The following PRKN variants were observed in gnomAD, a reference collection of about 807,000 sequenced individuals.
PRKN encodes parkin RBR E3 ubiquitin protein ligase, also known as E3 ubiquitin-protein ligase parkin.
In PRKN, 56 loss-of-function variants were observed where a neutral mutation model predicts 59.5. That is an observed-to-expected ratio of 0.94 (90% CI 0.76 to 1.18). The LOEUF is 1.18. Ranked by LOEUF, PRKN falls within the 50% of genes most tolerant of loss-of-function variation. The probability of loss-of-function intolerance (pLI) is 0.00; values close to 1 mark genes in which losing one functional copy is unlikely to be tolerated. For missense variants in PRKN, 657 were observed against 596.4 expected (o/e 1.10, Z -1.06); for synonymous variants, 250 against 222.1 (o/e 1.13, Z -1.12).
intron 5 of PRKN, among the ~76,000 whole-genome samples, chr6:162,023,623 T>C (rs1291059344): frequency 6.6e-6 from 1 of 152,122 alleles, no homozygotes; most frequent in Non-Finnish European, 1.5e-5. Context: ...CTCCTCTCCA[T>C]GTCTGGCCGT....
rs368465371 is a variant in PRKN at position 162,253,071 on chromosome 6, G to A, written c.412+9454C>T. Among the ~76,000 whole-genome samples, 576 of 152,302 alleles carry A rather than the reference G, an allele frequency of 3.8e-3. 4 individuals carry two copies. Among genetic ancestry groups the A allele is most frequent in the African/African-American group, 0.012 (515 of 41,578 alleles). On this transcript the variant is annotated intron_variant, in intron 3 of 11. Transcript: ENST00000366898. The stretch of plus-strand genomic sequence containing the variant: ...GTGCTATTCTGGTGGCCAGGACGCT[G>A]TTGTCTACAGTAACCTGGTAAATTA...
rs9365283 is a variant in PRKN at position 161,390,634 on chromosome 6, G to A, written c.1084-3757C>T. Among the ~76,000 whole-genome samples, 22,844 of 151,820 alleles carry A rather than the reference G, an allele frequency of 0.15. 1,810 individuals are homozygous for A. Among genetic ancestry groups the A allele is most frequent in the South Asian group, 0.24 (1,175 of 4,802 alleles). On this transcript the variant is annotated intron_variant, in intron 9 of 11. Transcript: ENST00000366898. The surrounding 1 kb of genome is among the most constrained non-coding windows in gnomAD (Gnocchi z 7.0). ...CTCCTGAGTAGCTGGGACTACAGGC[G>A]CCTGCCACCACGCCCGGCTAATTTT...
At chr6:162,229,353 T>A (rs1314570726) in intron 3 of PRKN, among the ~76,000 whole-genome samples, 2 of 152,166 alleles carry the variant, frequency 1.3e-5, no homozygotes, top group East Asian at 3.9e-4. Context: ...GTAGGTTTTA[T>A]CATCAAGATC....
intron 6 of PRKN, among the ~76,000 whole-genome samples, chr6:161,912,419 C>G (rs73604844): frequency 1.3e-5 from 2 of 151,772 alleles, no homozygotes; most frequent in African/African-American, 2.4e-5. Context: ...CTGTACCCCC[C>G]CACCCTCGTG....
chr6:161,867,920 C>G (rs1794189168), intron 6 of PRKN, among the ~76,000 whole-genome samples: 1 of 151,810 alleles, frequency 6.6e-6, no homozygotes, highest in Admixed American at 6.6e-5. Flanking sequence ...ACCACCATGC[C>G]TGGCTAATTT....
intron 7 of PRKN, among the ~76,000 whole-genome samples, chr6:161,621,871 T>C (rs1390764168): frequency 3.9e-5 from 6 of 152,162 alleles, no homozygotes; most frequent in Non-Finnish European, 8.8e-5. Context: ...TCCTAGTATG[T>C]TACCAAGTGA....
At chr6:161,962,961 A>G (rs1379967966) in intron 6 of PRKN, among the ~76,000 whole-genome samples, 3 of 152,032 alleles carry the variant, frequency 2.0e-5, no homozygotes, top group Admixed American at 1.3e-4. Context: ...ACTGGCCAAC[A>G]TGGCGAAACC....
intron 1 of PRKN, among the ~76,000 whole-genome samples, chr6:162,698,551 T>C (rs150429903): frequency 6.6e-6 from 1 of 152,278 alleles, no homozygotes; most frequent in African/African-American, 2.4e-5. Flanking sequence ...GGCTTCATTT[T>C]CCTCTTTCCC....
chr6:162,599,518 AAC>A (rs869308734), intron 1 of PRKN, among the ~76,000 whole-genome samples: 2 of 152,040 alleles, frequency 1.3e-5, no homozygotes, highest in Non-Finnish European at 2.9e-5. Flanking sequence ...CAACAACAAC[AAC>A]AAAAAGCAGT....
At chr6:162,614,160 AAACT>A (rs1302664109) in intron 1 of PRKN, among the ~76,000 whole-genome samples, 3 of 152,172 alleles carry the variant, frequency 2.0e-5, no homozygotes, top group Admixed American at 6.5e-5. Context: ...TTTTAATCAT[AAACT>A]AACACCTCCT....
chr6:162,671,497 CAA>C (rs5881490), intron 1 of PRKN, among the ~76,000 whole-genome samples: 172 of 111,594 alleles, frequency 1.5e-3, no homozygotes, highest in East Asian at 1.6e-3. Flanking sequence ...GACTCTGTCT[CAA>C]AAAAAAAAAA....
intron 1 of PRKN, among the ~76,000 whole-genome samples, chr6:162,633,748 G>A (rs939993230): frequency 2.5e-4 from 38 of 152,178 alleles, no homozygotes; most frequent in African/African-American, 8.9e-4. Context: ...TGAGGTGGGG[G>A]AGGAAGGGAG....
intron 6 of PRKN, among the ~76,000 whole-genome samples, chr6:161,874,992 AT>A (rs1363805332): frequency 1.3e-5 from 1 of 76,968 alleles, no homozygotes; most frequent in African/African-American, 6.7e-5. Context: ...TATATACTTT[AT>A]ATATAATATA....
At chr6:161,785,387 A>C (rs1790371875) in intron 7 of PRKN, among the ~76,000 whole-genome samples, 1 of 152,166 alleles carries the variant, frequency 6.6e-6, no homozygotes, top group Middle Eastern at 3.2e-3. Flanking sequence ...TTTTATATAT[A>C]TTGGGTATGT....
chr6:161,962,690 C>T (rs1397317078), intron 6 of PRKN, among the ~76,000 whole-genome samples: 1 of 151,994 alleles, frequency 6.6e-6, no homozygotes, highest in Non-Finnish European at 1.5e-5. Flanking sequence ...GTGCACACCA[C>T]CATGCCTGGC....
At chr6:161,902,405 TG>T (rs1475459473) in intron 6 of PRKN, among the ~76,000 whole-genome samples, 1 of 152,098 alleles carries the variant, frequency 6.6e-6, no homozygotes, top group Admixed American at 6.6e-5. Context: ...CTAACCTAAA[TG>T]GGTTAAGACG....
At chr6:161,453,737 C>CCCTCCCTCCCTCCCTT in intron 9 of PRKN, among the ~76,000 whole-genome samples, 2 of 133,698 alleles carry the variant, frequency 1.5e-5, no homozygotes, top group Non-Finnish European at 3.2e-5. Context: ...CTCCCTCCCT[C>CCCTCCCTCCCTCCCTT]CCTTCCTTCC....
At chr6:161,992,345 A>G (rs7738080) in intron 5 of PRKN, among the ~76,000 whole-genome samples, 35,554 of 152,018 alleles carry the variant, frequency 0.23, 4,709 homozygotes, top group African/African-American at 0.37. Flanking sequence ...GTCTTTAAAA[A>G]AGAGAGAGAG....
intron 2 of PRKN, among the ~76,000 whole-genome samples, chr6:162,415,638 T>C (rs1370504637): frequency 2.0e-5 from 3 of 152,002 alleles, no homozygotes; most frequent in African/African-American, 7.3e-5. Context: ...GCCAACATGA[T>C]GAAACCCGTC....
Sources: allele counts gnomAD v4.1 joint callset (sites outside exome capture counted in the v4.1 genomes callset), GRCh38; gene constraint gnomAD v4.1.1; non-coding constraint Gnocchi (gnomAD v3.1); transcripts MANE v1.5; gene names NCBI Gene and HGNC (gene_info 2026-07-23, HGNC 2026-07-21).